Variants in HIP1 observed in about 807,000 individuals in gnomAD.
HIP1 encodes huntingtin-interacting protein 1.
In HIP1, 65 loss-of-function variants were observed where a neutral mutation model predicts 147.6. The observed-to-expected ratio is 0.44, with a 90% CI of 0.36 to 0.54. The LOEUF is 0.54. Ranked by LOEUF, HIP1 falls within the 20% of genes least tolerant of loss-of-function variation. The probability of loss-of-function intolerance (pLI) is 0.00; values close to 1 mark genes in which losing one functional copy is unlikely to be tolerated. For synonymous variants in HIP1, 479 were observed against 504.0 expected (o/e 0.95, Z 0.67); for missense variants, 1,061 against 1,299.6 (o/e 0.82, Z 2.82).
At chr7:75,655,539 A>G (rs1799118406) in intron 1 of HIP1, among the ~76,000 whole-genome samples, 2 of 151,680 alleles carry the variant, frequency 1.3e-5, no homozygotes, top group Non-Finnish European at 2.9e-5. Context: ...CCGAGATCGC[A>G]CCACTGCACT....
chr7:75,645,146 C>T (rs782694482), intron 1 of HIP1, among the ~76,000 whole-genome samples: 6 of 152,102 alleles, frequency 3.9e-5, no homozygotes, highest in Non-Finnish European at 8.8e-5. Flanking sequence ...ACATTGATCA[C>T]GTTCTTAGCA....
chr7:75,632,949 T>C (rs1798283045), intron 1 of HIP1, among the ~76,000 whole-genome samples: 1 of 152,168 alleles, frequency 6.6e-6, no homozygotes, highest in African/African-American at 2.4e-5. Context: ...AAGTAGGACC[T>C]GAGTGATGAG....
At chr7:75,664,361 CATATAT>C (rs1346796291) in intron 1 of HIP1, among the ~76,000 whole-genome samples, 4 of 62,116 alleles carry the variant, frequency 6.4e-5, no homozygotes, top group African/African-American at 1.7e-4. Context: ...CGTATACATA[CATATAT>C]ACACATACAT....
chr7:75,604,979 G>T (rs1172082861), intron 1 of HIP1, among the ~76,000 whole-genome samples: 1 of 152,158 alleles, frequency 6.6e-6, no homozygotes, highest in East Asian at 1.9e-4. Flanking sequence ...TGAGAATCAG[G>T]AAAGTTCTGT....
At chr7:75,639,744 G>A in intron 1 of HIP1, among the ~76,000 whole-genome samples, 1 of 152,118 alleles carries the variant, frequency 6.6e-6, no homozygotes, top group South Asian at 2.1e-4. Flanking sequence ...GGGGCAGGGG[G>A]TCCGCTCGGC....
At chr7:75,719,782 C>T (rs782671805) in intron 1 of HIP1, among the ~76,000 whole-genome samples, 10 of 152,152 alleles carry the variant, frequency 6.6e-5, no homozygotes, top group African/African-American at 1.7e-4. Context: ...CTGCCATCCT[C>T]TCTGTAAAAC....
intron 1 of HIP1, among the ~76,000 whole-genome samples, chr7:75,639,779 C>T (rs1445979734): frequency 6.6e-6 from 1 of 152,082 alleles, no homozygotes; most frequent in African/African-American, 2.4e-5. Context: ...CTTCCCTGGA[C>T]AAAGGGGGAA....
chr7:75,539,233 C>T, intron 30 of HIP1, 90 bp downstream of exon 30: 2 of 878,940 alleles, frequency 2.3e-6, no homozygotes, highest in South Asian at 1.4e-5. Context: ...CTGGTGGGTT[C>T]CTTGTTCTGT....
intron 1 of HIP1, among the ~76,000 whole-genome samples, chr7:75,660,107 A>G (rs1026768843): frequency 4.0e-5 from 6 of 151,608 alleles, no homozygotes; most frequent in Non-Finnish European, 7.4e-5. Context: ...GCCTGGCAAC[A>G]GAGCAAGACT....
chr7:75,562,785 A>G, intron 11 of HIP1, 150 bp downstream of exon 11: 3 of 723,548 alleles, frequency 4.1e-6, no homozygotes, highest in Non-Finnish European at 6.8e-6. Flanking sequence ...GCCACAGAGC[A>G]GGATGCTCAG....
intron 1 of HIP1, among the ~76,000 whole-genome samples, chr7:75,665,751 G>C (rs1799538779): frequency 6.6e-6 from 1 of 152,076 alleles, no homozygotes; most frequent in Non-Finnish European, 1.5e-5. Flanking sequence ...ATGTTGGCCA[G>C]GCTGGTCTCG....
At position 75,702,519 on chromosome 7, in the gene HIP1, C is replaced by T. The variant is rs143249068; in HGVS notation, c.120+36282G>A. Among the ~76,000 whole-genome samples, 945 of 152,348 alleles carry T rather than the reference C, an allele frequency of 6.2e-3. 15 individuals are homozygous for T. Among genetic ancestry groups the T allele is most frequent in the African/African-American group, 0.021 (879 of 41,588 alleles). ...TTGGCCTCCCAAAGTGCTGGGATTA[C>T]AGGCATGAGCCACTGTGCCTGGCAA... On this transcript the variant is annotated intron_variant, in intron 1 of 30. Transcript: ENST00000336926.
intron 1 of HIP1, chr7:75,626,867 A>G (rs918100809): frequency 6.7e-6 from 1 of 148,292 alleles, no homozygotes; most frequent in African/African-American, 2.5e-5. Context: ...CATAAGGTTC[A>G]ACCTAGTGCA....
rs1268367390 is a variant in HIP1, at chr7:75,568,306, G to A, written c.746-50C>T. ...AGAGGGGAGGGGGACCAGAGGGCAGGGAAGCCACAGCGGGGCTCTCGAGGG... is the reference window on the plus strand; with the variant it reads ...AGAGGGGAGGGGGACCAGAGGGCAGAGAAGCCACAGCGGGGCTCTCGAGGG... On this transcript the variant is annotated intron_variant, in intron 8 of 30. Transcript: ENST00000336926. The surrounding 1 kb of genome is among the most constrained non-coding windows in gnomAD (Gnocchi z 4.1). 7.8e-7 allele frequency: 1 copy of A among 1,280,096 alleles called. No individual in the cohort carries two copies. The highest frequency in any genetic ancestry group is 1.1e-6 in the Non-Finnish European group (1 of 875,376). 79.3% of individuals were successfully genotyped at this position (1,280,096 alleles called of 1,614,324 possible).
At chr7:75,680,627 T>A (rs1554516729) in intron 1 of HIP1, among the ~76,000 whole-genome samples, 1 of 146,198 alleles carries the variant, frequency 6.8e-6, no homozygotes, top group African/African-American at 2.6e-5. Flanking sequence ...CTTTTTTTTT[T>A]AAGACAGAAT....
intron 22 of HIP1, among the ~76,000 whole-genome samples, chr7:75,552,052 G>C (rs935853021): frequency 6.6e-6 from 1 of 151,408 alleles, no homozygotes; most frequent in African/African-American, 2.4e-5. Flanking sequence ...ATCACGCCTG[G>C]CTAATTTTTT....
At chr7:75,616,821 T>C (rs1797687723) in intron 1 of HIP1, among the ~76,000 whole-genome samples, 1 of 152,146 alleles carries the variant, frequency 6.6e-6, no homozygotes, top group African/African-American at 2.4e-5. Context: ...GCCTGTGTCC[T>C]CCTCCTCATG....
In HIP1 at chr7:75,649,797, C is replaced by T. The variant is rs376385571; in HGVS notation, c.121-50550G>A. ...TGTGGCACTTCCCTTACTGCTTCTCCTACACGGGGAATTTCCAAGCTCCCA... is the reference window on the plus strand; with the variant it reads ...TGTGGCACTTCCCTTACTGCTTCTCTTACACGGGGAATTTCCAAGCTCCCA... On this transcript the variant is annotated intron_variant, in intron 1 of 30. Transcript: ENST00000336926. 2.1e-3 allele frequency among the ~76,000 whole-genome samples: 317 copies of T among 152,292 alleles called. 1 individual carries two copies. Among genetic ancestry groups the T allele is most frequent in the African/African-American group, 5.9e-3 (244 of 41,556 alleles).
intron 13 of HIP1, among the ~76,000 whole-genome samples, chr7:75,560,536 G>A (rs782364662): frequency 2.6e-5 from 4 of 152,156 alleles, no homozygotes; most frequent in Admixed American, 6.6e-5. Context: ...ACAGGCGTGA[G>A]CCACTGTGCC....
Sources: gnomAD v4.1 joint callset for allele counts (sites outside exome capture counted in the v4.1 genomes callset) on GRCh38, gnomAD v4.1.1 for gene constraint, Gnocchi (gnomAD v3.1) non-coding constraint, MANE v1.5 for transcripts, NCBI Gene and HGNC (gene_info 2026-07-23, HGNC 2026-07-21) for gene names.